The following ZP3 variants were observed in gnomAD, a reference collection of about 807,000 sequenced individuals.
ZP3 encodes zona pellucida sperm-binding protein 3.
In ZP3, 21 loss-of-function variants were observed where a neutral mutation model predicts 35.6. The observed-to-expected ratio is 0.59, with a 90% CI of 0.42 to 0.85. The LOEUF (loss-of-function observed/expected upper bound fraction) is 0.85. Among genes scored for constraint, ZP3 ranks in the 40% least tolerant of loss-of-function variants. The pLI is 0.00. For missense variants in ZP3, 437 were observed against 536.5 expected (o/e 0.81, Z 1.83); for synonymous variants, 207 against 214.5 (o/e 0.96, Z 0.31).
Position 76,400,238 on chromosome 7 carries a change from T to G in ZP3, c.-67+2441T>G, listed in dbSNP as rs771145890. ...TCATTTATCTAGCCTACAGCCCTGC[T>G]GCCTGCCACAGTCTGTCTGTCCCTC... On this transcript the variant is annotated intron_variant, in intron 1 of 8. Coordinates refer to the ZP3 transcript ENST00000336517. 29 of 1,430,232 alleles carry G rather than the reference T, an allele frequency of 2.0e-5. No homozygotes were observed. In the East Asian group the frequency reaches 7.7e-4, roughly 38 times the overall value. 88.6% of individuals were successfully genotyped at this position (1,430,232 alleles called of 1,614,324 possible).
chr7:76,427,833 C>T lies in ZP3; in HGVS notation c.313-1682C>T, dbSNP rs1022983282. On this transcript the variant is annotated intron_variant, in intron 1 of 7. Transcript: ENST00000394857. The stretch of plus-strand genomic sequence containing the variant: ...AGCTGGGATGGACTACAGGCACATG[C>T]CACCGTGCCCAGCCAAGTTATGTTT... Among the ~76,000 whole-genome samples the T allele has an allele frequency of 2.0e-5, 3 of 152,248 alleles. No homozygotes were observed. In the East Asian group the frequency reaches 5.8e-4, roughly 29 times the overall value.
intron 7 of ZP3, 42 bp downstream of exon 7, chr7:76,440,653 C>G: frequency 6.3e-7 from 1 of 1,576,630 alleles, no homozygotes; most frequent in Non-Finnish European, 8.6e-7. Flanking sequence ...TTGTCCCTTA[C>G]TCAGTTGAGG....
At chr7:76,440,797 C>T (rs1005465713) in intron 7 of ZP3, among the ~76,000 whole-genome samples, 186 bp downstream of exon 7, 9 of 144,946 alleles carry the variant, frequency 6.2e-5, no homozygotes, top group East Asian at 2.1e-4. Context: ...CCTTCCACCT[C>T]GGTGGCAGCC....
chr7:76,419,537 A>C (rs1204717121), intron 1 of ZP3, among the ~76,000 whole-genome samples: 1 of 152,098 alleles, frequency 6.6e-6, no homozygotes, highest in African/African-American at 2.4e-5. Context: ...ATGTGTCTTA[A>C]TTACCATAGC....
rs1805852639 is a variant in ZP3, at chr7:76,432,239, AGT to A, written c.432-686_432-685del. Among the ~76,000 whole-genome samples the A allele has an allele frequency of 9.3e-5, 14 of 150,798 alleles. 1 individual carries two copies. In the South Asian group the frequency reaches 2.9e-3, roughly 32 times the overall value. On this transcript the variant is annotated intron_variant, in intron 2 of 7. Coordinates refer to ENST00000394857, the MANE Select transcript of ZP3 (RefSeq NM_001110354.2). ...AGTCTTGCTCTGTTGCCCAGGCTGG[AGT>A]GCAGTGGTGTGATCTCAGCTCACTG...
At chr7:76,423,128 T>C (rs1433267298), upstream of ZP3, among the ~76,000 whole-genome samples, 1 of 149,364 alleles carries the variant, frequency 6.7e-6, no homozygotes, top group Non-Finnish European at 1.5e-5. Flanking sequence ...TAGACAAAGC[T>C]TCATTGGAGC....
chr7:76,398,921 G>A (rs753537366), intron 1 of ZP3: 55 of 938,794 alleles, frequency 5.9e-5, no homozygotes, highest in Non-Finnish European at 8.6e-5. Context: ...GCCACACAAA[G>A]AGTCACAGCC....
intron 1 of ZP3, among the ~76,000 whole-genome samples, chr7:76,415,731 G>A (rs71539278): frequency 1.3e-5 from 2 of 151,146 alleles, no homozygotes; most frequent in African/African-American, 4.9e-5. Context: ...TCCTGACCTC[G>A]TGATCCACCC....
intron 1 of ZP3, among the ~76,000 whole-genome samples, chr7:76,413,630 T>G (rs1271283559): frequency 6.6e-6 from 1 of 151,232 alleles, no homozygotes; most frequent in Non-Finnish European, 1.5e-5. Context: ...AAGCCTCAAT[T>G]GATTTACAAC....
intron 1 of ZP3, among the ~76,000 whole-genome samples, chr7:76,417,343 G>A (rs1235826584): frequency 6.6e-6 from 1 of 151,452 alleles, no homozygotes; most frequent in Non-Finnish European, 1.5e-5. Context: ...ACAGGCGTGA[G>A]CCACCGTGCC....
At chr7:76,440,849 T>C (rs1584077598) in intron 7 of ZP3, among the ~76,000 whole-genome samples, 1 of 152,134 alleles carries the variant, frequency 6.6e-6, no homozygotes, top group Non-Finnish European at 1.5e-5. Flanking sequence ...TGAGACATAA[T>C]TAGGCATGTA....
chr7:76,440,326 G>A lies in ZP3; in HGVS notation c.908G>A (p.Ser303Asn), dbSNP rs746330441. The change falls in exon 6 of 8, where the codon AGC becomes AAC. Residue 303 changes from serine to asparagine, a missense_variant. Physicochemically the swap from Ser to Asn is conservative, Grantham distance 46. Transcript: ENST00000394857. ...GAACTCAACAAGGCCTGTTCCTTCA[G>A]CAAGCCTTCCAACAGGTGAGGAGGA... ...PDELNKACSF[S>N]KPSNSWFPVE... 1.6e-5 allele frequency: 25 copies of A among 1,607,760 alleles called. No individual in the cohort carries two copies. The highest frequency in any genetic ancestry group is 2.0e-5 in the Non-Finnish European group (23 of 1,177,298).
At position 76,425,288 on chromosome 7, in the gene ZP3, T is replaced by C. The variant is rs1468408750; in HGVS notation, c.312+12T>C. 1.9e-6 allele frequency: 3 copies of C among 1,590,798 alleles called. No homozygotes were observed. Among genetic ancestry groups the C allele is most frequent in the African/African-American group, 2.7e-5 (2 of 74,374 alleles). Reference sequence around the variant, plus strand: ...GCAACAGCATGCAGGTAAGAGAGGCTGGGGGCCCTGGCTTTGGTGGGAGGA... The same window carrying C: ...GCAACAGCATGCAGGTAAGAGAGGCCGGGGGCCCTGGCTTTGGTGGGAGGA... On this transcript the variant is annotated intron_variant, in intron 1 of 7. Coordinates refer to ENST00000394857, the MANE Select transcript of ZP3 (RefSeq NM_001110354.2).
At chr7:76,438,339 C>A (rs1235526504) in intron 5 of ZP3, among the ~76,000 whole-genome samples, 104 of 152,130 alleles carry the variant, frequency 6.8e-4, no homozygotes, top group South Asian at 1.2e-3. Context: ...AGGTGGATCA[C>A]TTGAGGCCAG....
At chr7:76,400,907 C>A (rs1804802585) in intron 1 of ZP3, 6 of 1,473,794 alleles carry the variant, frequency 4.1e-6, no homozygotes, top group South Asian at 1.2e-5. Flanking sequence ...CATCTAGAGT[C>A]AAGGGGGGCT....
intron 1 of ZP3, among the ~76,000 whole-genome samples, chr7:76,418,769 T>C (rs1805438996): frequency 6.6e-6 from 1 of 151,744 alleles, no homozygotes. Context: ...GGCAGGAGAA[T>C]GGCGTGAACC....
intron 1 of ZP3, among the ~76,000 whole-genome samples, chr7:76,410,641 G>A (rs900137154): frequency 1.3e-5 from 2 of 152,006 alleles, no homozygotes; most frequent in Admixed American, 6.6e-5. Context: ...GTGTGGGCCC[G>A]GCAGGACTTA....
At chr7:76,421,696 G>A (rs964307382), upstream of ZP3, among the ~76,000 whole-genome samples, 5 of 151,542 alleles carry the variant, frequency 3.3e-5, no homozygotes, top group Admixed American at 6.6e-5. Context: ...CCAGGTTTAA[G>A]CAATTCTCCC....
chr7:76,440,585 G>C lies in ZP3; in HGVS notation c.1034G>C (p.Arg345Thr), dbSNP rs1804905. The C allele has an allele frequency of 0.058, 89,816 of 1,546,600 alleles. No individual in the cohort carries two copies. The highest frequency in any genetic ancestry group is 0.068 in the Non-Finnish European group (77,241 of 1,140,258). ...CCTCATGTCATGAGCCAGTGGTCCA[G>C]GTCTGCTTCCCGTAACCGCAGGCAT... ...RQPHVMSQWS[R>T]SASRNRRHVT... The change falls in exon 7 of 8, where the codon AGG (arginine) becomes ACG (threonine). Residue 345 changes from arginine (R) to threonine (T), a missense_variant. By Grantham distance (71) the Arg-to-Thr change is moderately conservative. Around this residue, in one of 6 missense-constraint regions of ZP3, gnomAD observed 41 missense variants for 50.2 expected, o/e 0.82. Coordinates refer to ENST00000394857, the MANE Select transcript of ZP3 (RefSeq NM_001110354.2).
Sources: allele counts gnomAD v4.1 joint callset (sites outside exome capture counted in the v4.1 genomes callset), GRCh38; gene constraint gnomAD v4.1.1; regional missense constraint gnomAD v4.1.1; transcripts MANE v1.5; gene names NCBI Gene and HGNC (gene_info 2026-07-23, HGNC 2026-07-21).